Variants in GABRG2 observed in about 807,000 individuals in gnomAD.
GABRG2 encodes gamma-aminobutyric acid receptor subunit gamma-2.
GABRG2 carries 16 observed loss-of-function variants against 56.4 expected under a neutral mutation model. That is an observed-to-expected ratio of 0.28 (90% confidence interval 0.19 to 0.43). GABRG2 has a LOEUF of 0.43. Among genes scored for constraint, GABRG2 ranks in the 20% least tolerant of loss-of-function variants. The pLI is 1.00. For synonymous variants in GABRG2, 208 were observed against 205.5 expected (o/e 1.01, Z -0.10); for missense variants, 327 against 582.7 (o/e 0.56, Z 4.52).
At chr5:162,124,066 T>G (rs1763152458) in intron 6 of GABRG2, among the ~76,000 whole-genome samples, 1 of 151,802 alleles carries the variant, frequency 6.6e-6, no homozygotes, top group Non-Finnish European at 1.5e-5. Context: ...CATGAGGAAA[T>G]AAAGAAGCTT....
At chr5:162,073,487 A>G (rs1311686379) in intron 1 of GABRG2, among the ~76,000 whole-genome samples, 4 of 152,072 alleles carry the variant, frequency 2.6e-5, no homozygotes, top group Non-Finnish European at 5.9e-5. Context: ...AACTTGCTCA[A>G]TGTTGTCCTC....
intron 3 of GABRG2, among the ~76,000 whole-genome samples, chr5:162,096,437 A>G (rs989180357): frequency 6.6e-6 from 1 of 152,166 alleles, no homozygotes; most frequent in African/African-American, 2.4e-5. Context: ...TAATAGTTTT[A>G]AGAATCAAAG....
intron 6 of GABRG2, among the ~76,000 whole-genome samples, chr5:162,108,214 C>T (rs1176055600): frequency 6.6e-6 from 1 of 152,116 alleles, no homozygotes; most frequent in African/African-American, 2.4e-5. Context: ...TACTCTTAAT[C>T]ACAACACTAT....
chr5:162,135,362 T>G (rs185191595), intron 6 of GABRG2, among the ~76,000 whole-genome samples: 1 of 152,334 alleles, frequency 6.6e-6, no homozygotes, highest in African/African-American at 2.4e-5. Flanking sequence ...CCAATGTTGA[T>G]CTCCACTTTG....
intron 1 of GABRG2, among the ~76,000 whole-genome samples, chr5:162,081,931 A>G (rs1332113963): frequency 6.6e-6 from 1 of 151,992 alleles, no homozygotes; most frequent in African/African-American, 2.4e-5. Context: ...GGATAATTAA[A>G]AACTTATCTT....
intron 7 of GABRG2, among the ~76,000 whole-genome samples, chr5:162,143,438 A>G (rs1764731419): frequency 6.6e-6 from 1 of 152,208 alleles, no homozygotes; most frequent in Admixed American, 6.5e-5. Context: ...GAATTTTCAC[A>G]TCTGTTTCTT....
At chr5:162,089,184 GA>G (rs972364646) in intron 1 of GABRG2, among the ~76,000 whole-genome samples, 4 of 152,034 alleles carry the variant, frequency 2.6e-5, no homozygotes, top group African/African-American at 4.8e-5. Context: ...GTTGAAGGCA[GA>G]AAGGACAGTT....
At chr5:162,114,248 C>T (rs1762454420) in intron 6 of GABRG2, among the ~76,000 whole-genome samples, 1 of 152,204 alleles carries the variant, frequency 6.6e-6, no homozygotes, top group East Asian at 1.9e-4. Context: ...CTACTACTCC[C>T]TGTCCTATTT....
chr5:162,133,101 G>A (rs1005326497), intron 6 of GABRG2, among the ~76,000 whole-genome samples: 1 of 151,706 alleles, frequency 6.6e-6, no homozygotes, highest in African/African-American at 2.4e-5. Flanking sequence ...GCATAAGATT[G>A]GCTACTTTAC....
chr5:162,136,167 G>A (rs1764109150), intron 6 of GABRG2, among the ~76,000 whole-genome samples: 1 of 152,054 alleles, frequency 6.6e-6, no homozygotes, highest in South Asian at 2.1e-4. Flanking sequence ...AAGCAAACTG[G>A]GCCAGAATCA....
At chr5:162,109,863 TGGGTTTCTTAC>T (rs371212271) in intron 6 of GABRG2, among the ~76,000 whole-genome samples, 57 of 152,050 alleles carry the variant, frequency 3.7e-4, no homozygotes, top group African/African-American at 1.2e-3. Context: ...AGTGGACAAA[TGGGTTTCTTAC>T]GGGAAACTTA....
chr5:162,107,079 C>T (rs1761889603), intron 6 of GABRG2, among the ~76,000 whole-genome samples: 2 of 152,170 alleles, frequency 1.3e-5, no homozygotes, highest in East Asian at 3.9e-4. Context: ...TCATTTAGCC[C>T]CCACTTACAA....
intron 1 of GABRG2, among the ~76,000 whole-genome samples, 190 bp from the exon 2 acceptor site, chr5:162,093,638 C>T (rs1216579858): frequency 1.3e-5 from 2 of 152,118 alleles, no homozygotes; most frequent in Non-Finnish European, 2.9e-5. Context: ...ATTCTGAAAA[C>T]CTGAAGCGTA....
chr5:162,133,474 A>T (rs901957722), intron 6 of GABRG2, among the ~76,000 whole-genome samples: 12 of 152,252 alleles, frequency 7.9e-5, no homozygotes, highest in Non-Finnish European at 1.3e-4. Flanking sequence ...TTTAATATCT[A>T]GTTAGATGTT....
chr5:162,097,470 G>A (rs1761083534), intron 3 of GABRG2, among the ~76,000 whole-genome samples, 168 bp from the exon 4 acceptor site: 1 of 152,114 alleles, frequency 6.6e-6, no homozygotes, highest in Admixed American at 6.6e-5. Context: ...TACAAAAGAT[G>A]GGTGAGACAG....
chr5:162,141,248 A>G (rs1764544158), intron 6 of GABRG2, among the ~76,000 whole-genome samples: 1 of 152,166 alleles, frequency 6.6e-6, no homozygotes, highest in South Asian at 2.1e-4. Context: ...CGTGTTAGCC[A>G]GGATGGTCTC....
Position 162,097,532 on chromosome 5 carries a change from T to C in GABRG2, c.328-106T>C. On this transcript the variant is annotated intron_variant, in intron 3 of 9. Transcript: ENST00000639213. ...TCTTTTGAACTATTCAAAGCCAAGA[T>C]AGCTTTGCTTCATATTGGCAAAGAA... The C allele has an allele frequency of 7.9e-6, 7 of 891,130 alleles. No individual in the cohort carries two copies. In the South Asian group the frequency reaches 1.0e-4, roughly 13 times the overall value. The allele number at this position is 891,130 out of a possible 1,614,324, so 55.2% of individuals were successfully genotyped here. A position where few individuals can be genotyped will look rare whatever the true frequency, so the allele number is the denominator to read the frequency against.
In GABRG2 at chr5:162,093,832, A is replaced by G; in HGVS notation, c.112A>G (p.Thr38Ala). The G allele has an allele frequency of 6.2e-7, 1 of 1,612,880 alleles. No individual in the cohort carries two copies. The highest frequency in any genetic ancestry group is 8.5e-7 in the Non-Finnish European group (1 of 1,179,300). ...GACCAATATGTTTTTTCTTAGCTTC[A>G]CTAGCCAGAAATCTGATGATGACTA... Reference protein sequence around the residue: ...LLLLSLYPGFTSQKSDDDYED... With the variant: ...LLLLSLYPGFASQKSDDDYED... Residue 38 changes from threonine (T) to alanine (A), a missense_variant, in exon 2 of 10, where the codon ACT becomes GCT. Thr to Ala is a moderately conservative substitution (Grantham distance 58). Coordinates refer to ENST00000639213, the MANE Select transcript of GABRG2 (RefSeq NM_198904.4).
At chr5:162,140,996 T>G (rs1253368560) in intron 6 of GABRG2, among the ~76,000 whole-genome samples, 2 of 152,128 alleles carry the variant, frequency 1.3e-5, no homozygotes, top group African/African-American at 2.4e-5. Flanking sequence ...TCTTAATATA[T>G]TCTCTGGATT....
Sources: allele counts gnomAD v4.1 joint callset (sites outside exome capture counted in the v4.1 genomes callset), GRCh38; gene constraint gnomAD v4.1.1; transcripts MANE v1.5; gene names NCBI Gene and HGNC (gene_info 2026-07-23, HGNC 2026-07-21).